KIAA0513: variants seen among roughly 807,000 people sequenced by gnomAD.
KIAA0513 encodes the protein KIAA0513, also known as uncharacterized protein KIAA0513.
Under a neutral mutation model 56.5 loss-of-function variants are expected in KIAA0513, and 39 were observed. That is an observed-to-expected ratio of 0.69 (90% CI 0.53 to 0.90). The LOEUF is 0.90. KIAA0513 is among the 40% of genes least tolerant of loss of function. The pLI is 0.00. For synonymous variants in KIAA0513, 268 were observed against 215.6 expected, an observed-to-expected ratio of 1.24 and a Z score of -2.13; for missense variants, 591 against 535.2, an observed-to-expected ratio of 1.10 and a Z score of -1.03.
At chr16:85,068,542 C>T (rs1201944445) in intron 2 of KIAA0513, among the ~76,000 whole-genome samples, 2 of 152,022 alleles carry the variant, frequency 1.3e-5, no homozygotes, top group African/African-American at 2.4e-5. Context: ...CCATGTTAGC[C>T]AGGATGGTCT....
At chr16:85,086,752 G>A in intron 11 of KIAA0513, 28 bp downstream of exon 11, 10 of 1,577,904 alleles carry the variant, frequency 6.3e-6, no homozygotes, top group East Asian at 2.3e-5. Flanking sequence ...AAAGCGGGAG[G>A]GGAGAGGGGG....
chr16:85,066,622 G>C (rs2073485324), intron 1 of KIAA0513, among the ~76,000 whole-genome samples: 1 of 152,192 alleles, frequency 6.6e-6, no homozygotes, highest in South Asian at 2.1e-4. Flanking sequence ...GATGGGCTCA[G>C]TCTTGGGGCT....
chr16:85,080,853 G>A (rs1223918101), intron 8 of KIAA0513, among the ~76,000 whole-genome samples: 5 of 152,130 alleles, frequency 3.3e-5, no homozygotes, highest in African/African-American at 7.2e-5. Flanking sequence ...CCCTATGAAC[G>A]TTAGTTCGCT....
At chr16:85,043,401 ATTTTTTTTTTTTTTTT>A (rs761248323) in intron 1 of KIAA0513, among the ~76,000 whole-genome samples, 2 of 77,910 alleles carry the variant, frequency 2.6e-5, no homozygotes, top group South Asian at 5.5e-4. Context: ...TGCTTCTTGG[ATTTTTTTTTTTTTTTT>A]TTTTTTTTTT....
Position 85,067,174 on chromosome 16 carries a change from G to C in KIAA0513, c.103G>C (p.Asp35His), listed in dbSNP as rs374589898. Reference protein sequence around the residue: ...EAPPPVLQDGDGSLGDGASES... With the variant: ...EAPPPVLQDGHGSLGDGASES... ...ACCACCCCCTGTGCTGCAGGACGGC[G>C]ATGGCTCCCTGGGGGACGGTGCATC... Residue 35 changes from aspartate (D) to histidine (H), a missense_variant, in exon 2 of 13, where the codon GAT becomes CAT. Transcript: ENST00000683363. 3.7e-6 allele frequency: 6 copies of C among 1,614,170 alleles called. No homozygotes were observed. The highest frequency in any genetic ancestry group is 1.3e-5 in the African/African-American group (1 of 75,062).
chr16:85,032,717 G>A (rs1364891848), intron 1 of KIAA0513, among the ~76,000 whole-genome samples: 6 of 151,910 alleles, frequency 3.9e-5, no homozygotes, highest in African/African-American at 7.3e-5. Flanking sequence ...TACAAGATCC[G>A]CCTCCCGGGT....
Position 85,091,671 on chromosome 16 carries a change from C to T in KIAA0513, c.*3346C>T, listed in dbSNP as rs942852867. ...GTGAGTTGAAACCAAACAGGCCTCTCGCTCACTCCTCCCAGCCCAGTAATG... is the reference window on the plus strand; with the variant it reads ...GTGAGTTGAAACCAAACAGGCCTCTTGCTCACTCCTCCCAGCCCAGTAATG... On this transcript the variant is annotated 3_prime_UTR_variant, in exon 13 of 13. Coordinates refer to ENST00000683363, the MANE Select transcript of KIAA0513 (RefSeq NM_001388359.1). 2 of 152,154 alleles carry T rather than the reference C, an allele frequency of 1.3e-5. No homozygotes were observed. Among genetic ancestry groups the T allele is most frequent in the Non-Finnish European group, 1.5e-5 (1 of 68,044 alleles). 9.4% of individuals were successfully genotyped at this position (152,154 alleles called of 1,614,324 possible).
In KIAA0513 at chr16:85,081,251, G is replaced by C; in HGVS notation, c.903-64G>C. On this transcript the variant is annotated intron_variant, in intron 8 of 12. Coordinates refer to ENST00000683363, the MANE Select transcript of KIAA0513 (RefSeq NM_001388359.1). This position sits in a 1 kb window ranked among gnomAD's most constrained non-coding sequence, Gnocchi z 4.4. ...ACTGCCCTTGTTTATCCCTCAAGGG[G>C]CCCACAACCCGTGTCCTCCCCGCCT... 6.9e-7 allele frequency: 1 copy of C among 1,449,966 alleles called. No homozygotes were observed. The highest frequency in any genetic ancestry group is 9.7e-7 in the Non-Finnish European group (1 of 1,032,366). The allele number at this position is 1,449,966 out of a possible 1,614,324, so 89.8% of individuals were successfully genotyped here. A position where few individuals can be genotyped will look rare whatever the true frequency, so the allele number is the denominator to read the frequency against.
In KIAA0513 at chr16:85,044,514, T is replaced by A. The variant is rs8060594; in HGVS notation, c.-173+16656T>A. Among the ~76,000 whole-genome samples, 754 of 127,386 alleles carry A rather than the reference T, an allele frequency of 5.9e-3. 5 individuals carry two copies. The highest frequency in any genetic ancestry group is 0.021 in the African/African-American group (580 of 27,316). 83.6% of individuals were successfully genotyped at this position (127,386 alleles called of 152,430 possible). A position where few individuals can be genotyped will look rare whatever the true frequency, so the allele number is the denominator to read the frequency against. ...ATGCTCCTCCTTTTTATTTTTATTT[T>A]TTTTTTTTTTTGAGACAGAGACTCG... On this transcript the variant is annotated intron_variant, in intron 1 of 12. Transcript: ENST00000683363.
chr16:85,069,197 A>AT (rs1003559200), intron 2 of KIAA0513, among the ~76,000 whole-genome samples: 6 of 146,834 alleles, frequency 4.1e-5, no homozygotes, highest in African/African-American at 1.3e-4. Flanking sequence ...TGCCCAGCTC[A>AT]TTTTTTTGTG....
At chr16:85,059,514 A>C (rs990619725) in intron 1 of KIAA0513, among the ~76,000 whole-genome samples, 1 of 152,230 alleles carries the variant, frequency 6.6e-6, no homozygotes, top group South Asian at 2.1e-4. Flanking sequence ...GAGTGCGAAC[A>C]TGACGCTTAA....
intron 1 of KIAA0513, among the ~76,000 whole-genome samples, chr16:85,050,535 C>T (rs961309496): frequency 6.6e-6 from 1 of 151,996 alleles, no homozygotes; most frequent in African/African-American, 2.4e-5. Flanking sequence ...AGGCTGGTCT[C>T]GAACTCCTGA....
In KIAA0513 at chr16:85,067,238, A is replaced by T. The variant is rs2073498335; in HGVS notation, c.167A>T (p.Asp56Val). The change falls in exon 2 of 13, where the codon GAC becomes GTC. Residue 56 changes from aspartate (D) to valine (V), a missense_variant. Transcript: ENST00000683363. Reference sequence around the variant, plus strand: ...ACTGAGTCTGCGGACAGTGAGAATGACATGGGCGAGTCGCCCTCGCACCCG... The same window carrying T: ...ACTGAGTCTGCGGACAGTGAGAATGTCATGGGCGAGTCGCCCTCGCACCCG... Reference protein sequence around the residue: ...ETTESADSENDMGESPSHPSW... With the variant: ...ETTESADSENVMGESPSHPSW... 6.2e-7 allele frequency: 1 copy of T among 1,614,118 alleles called. No homozygotes were observed. Among genetic ancestry groups the T allele is most frequent in the Non-Finnish European group, 8.5e-7 (1 of 1,180,002 alleles).
At chr16:85,078,311 A>G (rs2073688889) in intron 6 of KIAA0513, 104 bp from the exon 7 acceptor site, 3 of 1,238,926 alleles carry the variant, frequency 2.4e-6, no homozygotes, top group Admixed American at 1.9e-5. Context: ...AGCAAGCCGT[A>G]TTAAATGTAC....
rs531716770 is a variant in KIAA0513, at chr16:85,056,320, A to G, written c.-172-10580A>G. 6.2e-3 allele frequency among the ~76,000 whole-genome samples: 944 copies of G among 152,124 alleles called. 7 individuals carry two copies. Among genetic ancestry groups the G allele is most frequent in the African/African-American group, 0.022 (905 of 41,470 alleles). On this transcript the variant is annotated intron_variant, in intron 1 of 12. Coordinates refer to ENST00000683363, the MANE Select transcript of KIAA0513 (RefSeq NM_001388359.1). ...CGCCTTTCCGAGGCCCCCTCTCAAC[A>G]CCGCCATGAGAAGTCTTTCAAACGC... is the stretch of plus-strand genomic sequence containing the variant.
intron 5 of KIAA0513, 93 bp from the exon 6 acceptor site, chr16:85,077,332 C>T: frequency 1.6e-6 from 2 of 1,214,014 alleles, no homozygotes; most frequent in Non-Finnish European, 2.3e-6. Flanking sequence ...CCCCACTGCA[C>T]AGGACCCCTG....
chr16:85,046,311 G>T (rs534245571), intron 1 of KIAA0513, among the ~76,000 whole-genome samples: 3 of 152,182 alleles, frequency 2.0e-5, no homozygotes, highest in Non-Finnish European at 2.9e-5. Context: ...AACCTGGAGT[G>T]CTTTCTACAT....
chr16:85,055,768 T>TA (rs1237662413), intron 1 of KIAA0513, among the ~76,000 whole-genome samples: 1 of 152,196 alleles, frequency 6.6e-6, no homozygotes, highest in East Asian at 1.9e-4. Context: ...CCCAGCCTGT[T>TA]ATCTTGGTTT....
intron 10 of KIAA0513, among the ~76,000 whole-genome samples, chr16:85,084,525 G>A (rs1489180226): frequency 2.0e-5 from 3 of 151,374 alleles, no homozygotes; most frequent in Non-Finnish European, 4.4e-5. Flanking sequence ...TGCCTCCCGG[G>A]TTCAAGCAAT....
Sources: allele counts gnomAD v4.1 joint callset (sites outside exome capture counted in the v4.1 genomes callset), GRCh38; gene constraint gnomAD v4.1.1; non-coding constraint Gnocchi (gnomAD v3.1); transcripts MANE v1.5; gene names NCBI Gene and HGNC (gene_info 2026-07-23, HGNC 2026-07-21).